The following SH3TC2 variants were observed in gnomAD, a reference collection of about 807,000 sequenced individuals.
SH3TC2 encodes the protein SH3 domain and tetratricopeptide repeats 2, also known as SH3 domain and tetratricopeptide repeat-containing protein 2.
Under a neutral mutation model 124.5 loss-of-function variants are expected in SH3TC2, and 87 were observed. That is an observed-to-expected ratio of 0.70 (90% CI 0.59 to 0.84). The LOEUF (loss-of-function observed/expected upper bound fraction) is 0.84. Ranked by LOEUF, SH3TC2 falls within the 40% of genes least tolerant of loss-of-function variation. The probability of loss-of-function intolerance (pLI) is 0.00; values close to 1 mark genes in which losing one functional copy is unlikely to be tolerated. For synonymous variants in SH3TC2, 634 were observed against 628.5 expected (o/e 1.01, Z -0.13); for missense variants, 1,536 against 1,566.4 (o/e 0.98, Z 0.33).
At chr5:149,023,089 C>A (rs1426641147) in intron 12 of SH3TC2, among the ~76,000 whole-genome samples, 2 of 152,194 alleles carry the variant, frequency 1.3e-5, no homozygotes, top group Admixed American at 1.3e-4. Flanking sequence ...CAGCTCAATT[C>A]AGGAAACTCT....
intron 13 of SH3TC2, among the ~76,000 whole-genome samples, chr5:149,011,860 T>C (rs1054713295): frequency 4.6e-5 from 7 of 152,264 alleles, no homozygotes; most frequent in African/African-American, 1.4e-4. Context: ...ATTGTACAGA[T>C]AGTAATAAAA....
At chr5:149,050,300 A>C (rs906911350) in intron 2 of SH3TC2, among the ~76,000 whole-genome samples, 10 of 152,208 alleles carry the variant, frequency 6.6e-5, no homozygotes, top group African/African-American at 2.4e-4. Flanking sequence ...TCACAGATTA[A>C]TCCTTCTCAA....
Position 148,983,058 on chromosome 5 carries a change from T to A in SH3TC2, c.*21653A>T, listed in dbSNP as rs892624474. Among the ~76,000 whole-genome samples, 7 of 152,174 alleles carry A rather than the reference T, an allele frequency of 4.6e-5. No individual in the cohort carries two copies. Among genetic ancestry groups the A allele is most frequent in the Non-Finnish European group, 7.4e-5 (5 of 68,026 alleles). ...GGGCCTCAGTGTCCCATCTATGGGA[T>A]AAAGAGGGAGAACTAGCAGGTGTTT... On this transcript the variant is annotated 3_prime_UTR_variant, in exon 17 of 17. Coordinates refer to ENST00000515425, the MANE Select transcript of SH3TC2 (RefSeq NM_024577.4).
intron 12 of SH3TC2, among the ~76,000 whole-genome samples, chr5:149,016,927 A>T (rs1471888529): frequency 9.4e-5 from 14 of 149,298 alleles, no homozygotes. Flanking sequence ...TCCGTCTCAA[A>T]AAAAAAAAAA....
At position 149,028,155 on chromosome 5, in the gene SH3TC2, G is replaced by C; in HGVS notation, c.1577C>G (p.Ala526Gly). 1.2e-6 allele frequency: 2 copies of C among 1,614,142 alleles called. No homozygotes were observed. Among genetic ancestry groups the C allele is most frequent in the Non-Finnish European group, 1.7e-6 (2 of 1,180,028 alleles). ...CAGGAGGAAGCAGAGACGGGCATGG[G>C]CCCAGGTCATGTGGCTCTTCTTGGC... is the stretch of plus-strand genomic sequence containing the variant. Reference protein sequence around the residue: ...KWAKKSHMTWAHARLCFLLGR... With the variant: ...KWAKKSHMTWGHARLCFLLGR... The change falls in exon 11 of 17, where the codon GCC becomes GGC. Residue 526 changes from alanine to glycine, a missense_variant. By Grantham distance (60) the Ala-to-Gly change is moderately conservative. Around this residue, in one of 3 missense-constraint regions of SH3TC2, gnomAD observed 1,102 missense variants for 1,098.6 expected, o/e 1.00. Transcript: ENST00000515425.
At chr5:149,013,018 G>C (rs1429147887) in intron 12 of SH3TC2, among the ~76,000 whole-genome samples, 3 of 152,154 alleles carry the variant, frequency 2.0e-5, no homozygotes, top group African/African-American at 7.2e-5. Context: ...TAAGTGCTTA[G>C]AACAGTGCCT....
rs1041913718 is a variant in SH3TC2, at chr5:148,986,942, G to A, written c.*17769C>T. Among the ~76,000 whole-genome samples, 4 of 152,198 alleles carry A rather than the reference G, an allele frequency of 2.6e-5. No individual in the cohort carries two copies. Among genetic ancestry groups the A allele is most frequent in the Admixed American group, 1.3e-4 (2 of 15,288 alleles). On this transcript the variant is annotated 3_prime_UTR_variant, in exon 17 of 17. Coordinates refer to ENST00000515425, the MANE Select transcript of SH3TC2 (RefSeq NM_024577.4). ...GTCATATCAAGAATTCCAAGGAGAG[G>A]CAGAGTTTTCAAAGACTCCAGTTCA...
At position 149,001,850 on chromosome 5, in the gene SH3TC2, G is replaced by A. The variant is rs1263786525; in HGVS notation, c.*2861C>T. ...GAGATGTAACATGGATAGAAACAAC[G>A]CTCTTCACGTATGTGTGTGTATGTG... On this transcript the variant is annotated 3_prime_UTR_variant, in exon 17 of 17. Transcript: ENST00000515425. 2.0e-5 allele frequency: 3 copies of A among 152,144 alleles called. No homozygotes were observed. Among genetic ancestry groups the A allele is most frequent in the Non-Finnish European group, 2.9e-5 (2 of 68,030 alleles). The allele number at this position is 152,144 out of a possible 1,614,324, so 9.4% of individuals were successfully genotyped here. A position where few individuals can be genotyped will look rare whatever the true frequency, so the allele number is the denominator to read the frequency against.
chr5:149,026,422 GATGC>G, intron 12 of SH3TC2, 146 bp downstream of exon 12: 1 of 845,310 alleles, frequency 1.2e-6, no homozygotes, highest in South Asian at 1.6e-5. Flanking sequence ...ATAAGTGATG[GATGC>G]ATTGTGGTGG....
rs1753393338 is a variant in SH3TC2, at chr5:148,989,807, C to T, written c.*14904G>A. ...TCAACAATCTGGTATTCAGAAGCAG[C>T]TGGAATGAACGGAGAGAGAAGAACT... On this transcript the variant is annotated 3_prime_UTR_variant, in exon 17 of 17. Transcript: ENST00000515425. 6.6e-6 allele frequency among the ~76,000 whole-genome samples: 1 copy of T among 152,110 alleles called. No homozygotes were observed. The highest frequency in any genetic ancestry group is 2.4e-5 in the African/African-American group (1 of 41,422).
rs1372121251 is a variant in SH3TC2 at position 148,991,180 on chromosome 5, C to T, written c.*13531G>A. Among the ~76,000 whole-genome samples the T allele has an allele frequency of 6.6e-6, 1 of 152,292 alleles. No homozygotes were observed. Among genetic ancestry groups the T allele is most frequent in the Middle Eastern group, 3.4e-3 (1 of 294 alleles). On this transcript the variant is annotated 3_prime_UTR_variant, in exon 17 of 17. Transcript: ENST00000515425. ...TAACTACACATGGGGTAGAAATTAA[C>T]ATATGTAGAGGACTTTTTCTTCTCT...
chr5:149,044,639 C>T lies in SH3TC2; in HGVS notation c.280-1G>A. Reference sequence around the variant, plus strand: ...TACTGACCAACCTTGCTGAGAGGTCCTACGTAAAGGAAACAATGAGTCAGC... The same window carrying T: ...TACTGACCAACCTTGCTGAGAGGTCTTACGTAAAGGAAACAATGAGTCAGC... On this transcript the variant is annotated splice_acceptor_variant, in intron 3 of 16. Transcript: ENST00000515425. LOFTEE classifies it high-confidence loss of function. The T allele has an allele frequency of 6.2e-7, 1 of 1,612,908 alleles. No individual in the cohort carries two copies. Among genetic ancestry groups the T allele is most frequent in the South Asian group, 1.1e-5 (1 of 91,032 alleles).
intron 12 of SH3TC2, among the ~76,000 whole-genome samples, chr5:149,014,902 A>G (rs1257150087): frequency 6.6e-6 from 1 of 152,216 alleles, no homozygotes; most frequent in Non-Finnish European, 1.5e-5. Context: ...GACAAGACCC[A>G]TAAATCTCAT....
At chr5:149,032,502 A>G (rs1754214097) in intron 8 of SH3TC2, among the ~76,000 whole-genome samples, 1 of 152,234 alleles carries the variant, frequency 6.6e-6, no homozygotes, top group Non-Finnish European at 1.5e-5. Flanking sequence ...TTAATGTCAG[A>G]ACCCATTTTG....
chr5:149,044,336 C>G lies in SH3TC2; in HGVS notation c.385+197G>C, dbSNP rs140081959. On this transcript the variant is annotated intron_variant, in intron 4 of 16. Transcript: ENST00000515425. ...ACACAAAAAAGCAAACTTCTTCATA[C>G]GGCATTTTAGAATAATAGTTAATAT... The G allele has an allele frequency of 5.5e-6, 3 of 542,578 alleles. No individual in the cohort carries two copies. In the East Asian group the frequency reaches 9.7e-5, roughly 18 times the overall value. 33.6% of individuals were successfully genotyped at this position (542,578 alleles called of 1,614,324 possible).
rs199675044 is a variant in SH3TC2, at chr5:149,018,709, C to A, written c.3054-5975G>T. Among the ~76,000 whole-genome samples the A allele has an allele frequency of 2.2e-4, 33 of 152,298 alleles. No individual in the cohort carries two copies. The East Asian group carries it at 6.4e-3, about 29-fold the overall frequency. ...ATGGGGATACAGCCAAACCATGTCA[C>A]TACTCATAGCCAGCTGATCACCAAA... On this transcript the variant is annotated intron_variant, in intron 12 of 16. Coordinates refer to ENST00000515425, the MANE Select transcript of SH3TC2 (RefSeq NM_024577.4).
chr5:149,061,920 C>A (rs1353231268), intron 1 of SH3TC2, among the ~76,000 whole-genome samples: 3 of 152,074 alleles, frequency 2.0e-5, no homozygotes, highest in Admixed American at 2.0e-4. Context: ...GGGACACTCC[C>A]TGCTGTAGGT....
intron 6 of SH3TC2, among the ~76,000 whole-genome samples, chr5:149,041,134 C>T (rs1025888619): frequency 1.1e-4 from 16 of 152,252 alleles, no homozygotes; most frequent in African/African-American, 3.9e-4. Context: ...ACAAGTGGTC[C>T]CCAGTCCATA....
chr5:148,999,487 C>T lies in SH3TC2; in HGVS notation c.*5224G>A, dbSNP rs1047117679. On this transcript the variant is annotated 3_prime_UTR_variant, in exon 17 of 17. Transcript: ENST00000515425. The stretch of plus-strand genomic sequence containing the variant: ...CAGAGCCCATTCCCTTGAATTTCTT[C>T]CTTCTTTGCCGCTTGTCCACACATC... 6.6e-6 allele frequency among the ~76,000 whole-genome samples: 1 copy of T among 152,164 alleles called. No individual in the cohort carries two copies. The highest frequency in any genetic ancestry group is 6.5e-5 in the Admixed American group (1 of 15,282).
Sources: allele counts gnomAD v4.1 joint callset (sites outside exome capture counted in the v4.1 genomes callset), GRCh38; gene constraint gnomAD v4.1.1; regional missense constraint gnomAD v4.1.1; transcripts MANE v1.5; gene names NCBI Gene and HGNC (gene_info 2026-07-23, HGNC 2026-07-21).